The following LAMB4 variants were observed in gnomAD, a reference collection of about 807,000 sequenced individuals.
LAMB4 encodes laminin subunit beta 4.
A neutral mutation model predicts 199.2 loss-of-function variants in LAMB4; 196 were observed. That is an observed-to-expected ratio of 0.98 (90% CI 0.88 to 1.11). The LOEUF (loss-of-function observed/expected upper bound fraction) is 1.11. Among genes scored for constraint, LAMB4 ranks in the 50% least tolerant of loss-of-function variants. LAMB4 has a pLI of 0.00. For synonymous variants in LAMB4, 744 were observed against 770.6 expected (o/e 0.97, Z 0.57); for missense variants, 2,080 against 2,171.2 (o/e 0.96, Z 0.83).
chr7:108,095,115 G>A (rs1287039500), intron 12 of LAMB4, 113 bp downstream of exon 12: 2 of 714,898 alleles, frequency 2.8e-6, no homozygotes, highest in African/African-American at 3.5e-5. Flanking sequence ...TACCACTGGA[G>A]TATTAAAACA....
At chr7:108,088,971 T>C (rs1359352993) in intron 14 of LAMB4, among the ~76,000 whole-genome samples, 1 of 152,226 alleles carries the variant, frequency 6.6e-6, no homozygotes, top group Non-Finnish European at 1.5e-5. Context: ...GAGGAACATC[T>C]GAACCTCTGG....
At chr7:108,072,616 G>A (rs866787785) in intron 17 of LAMB4, among the ~76,000 whole-genome samples, 5 of 152,044 alleles carry the variant, frequency 3.3e-5, no homozygotes, top group Admixed American at 6.6e-5. Context: ...GCCCTGTCAC[G>A]GTTCCCAGGA....
chr7:108,074,374 T>C (rs2036626920), intron 17 of LAMB4, among the ~76,000 whole-genome samples: 1 of 152,206 alleles, frequency 6.6e-6, no homozygotes, highest in South Asian at 2.1e-4. Context: ...TATTTTATTT[T>C]ATTTATTTTT....
chr7:108,074,448 A>C (rs1161010406), intron 17 of LAMB4, among the ~76,000 whole-genome samples: 1 of 152,112 alleles, frequency 6.6e-6, no homozygotes, highest in African/African-American at 2.4e-5. Context: ...GTCTCACCGC[A>C]ACCTCTGCCT....
At chr7:108,091,386 G>A (rs527930406) in intron 14 of LAMB4, among the ~76,000 whole-genome samples, 12 of 152,192 alleles carry the variant, frequency 7.9e-5, no homozygotes, top group South Asian at 2.1e-4. Context: ...AATTTGATCC[G>A]TTCACATTTA....
chr7:108,101,420 A>T (rs780361141), intron 10 of LAMB4, among the ~76,000 whole-genome samples: 1 of 152,174 alleles, frequency 6.6e-6, no homozygotes, highest in Non-Finnish European at 1.5e-5. Flanking sequence ...CACTATTCAC[A>T]TGGTATCCGT....
chr7:108,098,515 T>G lies in LAMB4; in HGVS notation c.1248A>C (p.Leu416Phe). 1 of 1,613,844 alleles carries G rather than the reference T, an allele frequency of 6.2e-7. No individual in the cohort carries two copies. Among genetic ancestry groups the G allele is most frequent in the Non-Finnish European group, 8.5e-7 (1 of 1,179,982 alleles). ...GICVSHSDPA[L>F]GSVAGQCLCK... The stretch of plus-strand genomic sequence containing the variant: ...AAAGGCACTGGCCGGCCACAGACCC[T>G]AAGGCAGGATCAGAGTGGCTCACAC... Residue 416 changes from leucine (L) to phenylalanine (F), a missense_variant, in exon 11 of 34, where the codon TTA becomes TTC. Coordinates refer to ENST00000388781, the MANE Select transcript of LAMB4 (RefSeq NM_007356.3).
chr7:108,093,560 G>A (rs1022936744), intron 12 of LAMB4, among the ~76,000 whole-genome samples: 7 of 151,944 alleles, frequency 4.6e-5, no homozygotes, highest in African/African-American at 1.7e-4. Flanking sequence ...GAATCCATAT[G>A]AGAGAGTCAA....
chr7:108,032,409 ATCTTT>A (rs1327546980), intron 31 of LAMB4, among the ~76,000 whole-genome samples: 2 of 149,758 alleles, frequency 1.3e-5, no homozygotes, highest in East Asian at 3.9e-4. Context: ...AAAAAAAAAA[ATCTTT>A]AAAAAGGCAA....
At chr7:108,090,369 T>A (rs1312209300) in intron 14 of LAMB4, among the ~76,000 whole-genome samples, 1 of 152,224 alleles carries the variant, frequency 6.6e-6, no homozygotes, top group African/African-American at 2.4e-5. Flanking sequence ...TGCTTTTTCT[T>A]TTGTCATAGG....
the LAMB4 span, among the ~76,000 whole-genome samples, chr7:108,013,696 C>T: frequency 4.6e-5 from 7 of 152,066 alleles, no homozygotes; most frequent in Non-Finnish European, 7.4e-5. Context: ...TATGTACTAA[C>T]GTTTAAAACA....
At chr7:108,029,402 A>G (rs553267101) in intron 32 of LAMB4, among the ~76,000 whole-genome samples, 1 of 152,328 alleles carries the variant, frequency 6.6e-6, no homozygotes, top group African/African-American at 2.4e-5. Context: ...TTCTATTAAA[A>G]ATAAAACTTC....
downstream of LAMB4, among the ~76,000 whole-genome samples, chr7:108,020,067 C>T (rs1015739395): frequency 4.6e-5 from 7 of 152,274 alleles, no homozygotes; most frequent in African/African-American, 1.7e-4. Context: ...CTCTCTGACT[C>T]CTCCCCTCAC....
chr7:108,044,947 T>A (rs1461834698), intron 28 of LAMB4, among the ~76,000 whole-genome samples: 1 of 127,206 alleles, frequency 7.9e-6, no homozygotes, highest in African/African-American at 3.4e-5. Context: ...AGAGTGAGAT[T>A]CTTGTCTCAA....
Position 108,029,043 on chromosome 7 carries a change from C to T in LAMB4, c.5146G>A (p.Asp1716Asn), listed in dbSNP as rs1365742051. The T allele has an allele frequency of 1.2e-6, 2 of 1,612,116 alleles. No individual in the cohort carries two copies. The highest frequency in any genetic ancestry group is 2.2e-5 in the East Asian group (1 of 44,818). Residue 1716 changes from aspartate to asparagine, a missense_variant and splice_region_variant, in exon 33 of 34, where the codon GAT becomes AAT. Asp to Asn is a conservative substitution (Grantham distance 23). Transcript: ENST00000388781. ...DTEAKIRRIT[D>N]LERKIQDLNL... ...GCAGGATGGATAAAAGAACAGATACCTGTTATTCTTCTTATCTTGGCCTCT... is the reference window on the plus strand; with the variant it reads ...GCAGGATGGATAAAAGAACAGATACTTGTTATTCTTCTTATCTTGGCCTCT...
chr7:108,063,372 C>T (rs2036231472), intron 22 of LAMB4, among the ~76,000 whole-genome samples: 1 of 152,180 alleles, frequency 6.6e-6, no homozygotes, highest in Non-Finnish European at 1.5e-5. Flanking sequence ...GCGTCACTCC[C>T]AGAGATTCTG....
chr7:108,030,865 C>T lies in LAMB4; in HGVS notation c.4933G>A (p.Ala1645Thr), dbSNP rs371803929. 11 of 1,613,988 alleles carry T rather than the reference C, an allele frequency of 6.8e-6. No individual in the cohort carries two copies. The highest frequency in any genetic ancestry group is 4.0e-5 in the African/African-American group (3 of 74,904). ...QTKLQRHQDH[A>T]VNAKVQAESA... is the part of the protein sequence containing the mutation. ...TCAGCCTGAACTTTCGCATTGACAGCGTGGTCTTGATGCCTTTGCAACTTG... is the reference window on the plus strand; with the variant it reads ...TCAGCCTGAACTTTCGCATTGACAGTGTGGTCTTGATGCCTTTGCAACTTG... Residue 1645 changes from alanine (A) to threonine (T), a missense_variant, in exon 32 of 34, where the codon GCT becomes ACT. By Grantham distance (58) the Ala-to-Thr change is moderately conservative. Coordinates refer to ENST00000388781, the MANE Select transcript of LAMB4 (RefSeq NM_007356.3).
In LAMB4 at chr7:108,103,106, C is replaced by T. The variant is rs1477486270; in HGVS notation, c.1118G>A (p.Arg373His). The stretch of plus-strand genomic sequence containing the variant: ...GTCCCTGTAGAAGAGGGGTCTGCAG[C>T]GGTCGCAGTGCTGCCCCTCAGTGTT... ...QHNTEGQHCD[R>H]CRPLFYRDPL... The change falls in exon 10 of 34, where the codon CGC becomes CAC. Residue 373 changes from arginine to histidine, a missense_variant. Transcript: ENST00000388781. 3.1e-6 allele frequency: 5 copies of T among 1,613,478 alleles called. No homozygotes were observed. Among genetic ancestry groups the T allele is most frequent in the East Asian group, 2.2e-5 (1 of 44,862 alleles).
At chr7:108,081,262 G>A (rs562609237) in intron 14 of LAMB4, among the ~76,000 whole-genome samples, 16 of 152,242 alleles carry the variant, frequency 1.1e-4, no homozygotes, top group African/African-American at 3.9e-4. Flanking sequence ...TGCTCTGGAG[G>A]ATTGCTCTTT....
Sources: gnomAD v4.1 joint callset for allele counts (sites outside exome capture counted in the v4.1 genomes callset) on GRCh38, gnomAD v4.1.1 for gene constraint, MANE v1.5 for transcripts, NCBI Gene and HGNC (gene_info 2026-07-23, HGNC 2026-07-21) for gene names.